The following AGFG1 variants were observed in gnomAD, a reference collection of about 807,000 sequenced individuals.
The protein encoded by AGFG1 is ArfGAP with FG repeats 1, also known as arf-GAP domain and FG repeat-containing protein 1.
Under a neutral mutation model 60.6 loss-of-function variants are expected in AGFG1, and 10 were observed. That is an observed-to-expected ratio of 0.16 (90% CI 0.10 to 0.28). The LOEUF (loss-of-function observed/expected upper bound fraction) is 0.28, where lower values mean the gene tolerates loss of function less well. Ranked by LOEUF, AGFG1 falls within the 10% of genes least tolerant of loss-of-function variation. The probability of loss-of-function intolerance (pLI) is 1.00; values close to 1 mark genes in which losing one functional copy is unlikely to be tolerated. For missense variants in AGFG1, 537 were observed against 676.5 expected (o/e 0.79, Z 2.29); for synonymous variants, 247 against 242.9 (o/e 1.02, Z -0.16).
chr2:227,493,265 A>C (rs947146331), intron 2 of AGFG1, among the ~76,000 whole-genome samples: 53 of 152,186 alleles, frequency 3.5e-4, no homozygotes, highest in African/African-American at 1.2e-3. Flanking sequence ...GATCTCTAGA[A>C]ATTAATCATC....
intron 1 of AGFG1, among the ~76,000 whole-genome samples, chr2:227,484,677 GTTTTTTTTTTGTTTTTTTTTTT>G (rs1360042109): frequency 1.5e-4 from 17 of 115,894 alleles, no homozygotes; most frequent in African/African-American, 5.0e-4. Flanking sequence ...AGATCTCTTA[GTTTTTTTTTTGTTTTTTTTTTT>G]TTTTTTTTTT....
In AGFG1 at chr2:227,531,125, T is replaced by C. The variant is rs759370419; in HGVS notation, c.729T>C (p.Phe243=). 13 of 1,613,360 alleles carry C rather than the reference T, an allele frequency of 8.1e-6. No individual in the cohort carries two copies. Among genetic ancestry groups the C allele is most frequent in the Non-Finnish European group, 1.0e-5 (12 of 1,179,516 alleles). ...QNSANADFAN[F]DAFGQSSGSS... ...CTGCAAATGCAGATTTTGCAAACTT[T>C]GATGCATTTGGACAGTCTAGTGGTT... The change falls in exon 6 of 13, where the codon TTT becomes TTC. Residue 243 remains phenylalanine (F), a synonymous_variant. Transcript: ENST00000310078.
intron 10 of AGFG1, among the ~76,000 whole-genome samples, chr2:227,546,035 G>GT (rs1174688483): frequency 2.3e-4 from 35 of 152,206 alleles, no homozygotes; most frequent in Admixed American, 2.3e-3. Context: ...AGACAGAGAC[G>GT]TTTAAGTCTC....
In AGFG1 at chr2:227,487,390, T is replaced by C. The variant is rs1002898666; in HGVS notation, c.168-4157T>C. ...ATTTTGGAGTATTTGGTTTGTCTGTTTTTTTTTTGCTGATTAAAAAAATTA... is the reference window on the plus strand; with the variant it reads ...ATTTTGGAGTATTTGGTTTGTCTGTCTTTTTTTTGCTGATTAAAAAAATTA... On this transcript the variant is annotated intron_variant, in intron 1 of 12. Coordinates refer to ENST00000310078, the MANE Select transcript of AGFG1 (RefSeq NM_004504.5). Among the ~76,000 whole-genome samples, 3 of 151,082 alleles carry C rather than the reference T, an allele frequency of 2.0e-5. No homozygotes were observed. In the South Asian group the frequency reaches 6.2e-4, roughly 31 times the overall value.
intron 8 of AGFG1, among the ~76,000 whole-genome samples, chr2:227,535,524 T>G (rs2106223272): frequency 6.6e-6 from 1 of 152,348 alleles, no homozygotes; most frequent in East Asian, 1.9e-4. Flanking sequence ...TGTTCATATA[T>G]ATCTGTTAGA....
At chr2:227,500,159 A>G (rs1320133671) in intron 2 of AGFG1, among the ~76,000 whole-genome samples, 2 of 152,114 alleles carry the variant, frequency 1.3e-5, no homozygotes, top group African/African-American at 4.8e-5. Context: ...ATTGGTAATG[A>G]TGTTTAAGGT....
Position 227,485,745 on chromosome 2 carries a change from T to C in AGFG1, c.168-5802T>C, listed in dbSNP as rs140908668. The stretch of plus-strand genomic sequence containing the variant: ...TTTTAATTTCCACATTTATAATTTT[T>C]CATTTCTGAAAATTCTGATTTTTAA... On this transcript the variant is annotated intron_variant, in intron 1 of 12. Coordinates refer to ENST00000310078, the MANE Select transcript of AGFG1 (RefSeq NM_004504.5). Among the ~76,000 whole-genome samples, 376 of 152,326 alleles carry C rather than the reference T, an allele frequency of 2.5e-3. 2 individuals carry two copies. Among genetic ancestry groups the C allele is most frequent in the African/African-American group, 8.4e-3 (351 of 41,570 alleles).
intron 6 of AGFG1, among the ~76,000 whole-genome samples, chr2:227,531,453 A>G (rs1692155405): frequency 1.3e-5 from 2 of 150,402 alleles, no homozygotes; most frequent in South Asian, 4.2e-4. Context: ...CTGCGCATGA[A>G]TCTTCCTTAT....
At chr2:227,474,807 T>C (rs1690231566) in intron 1 of AGFG1, among the ~76,000 whole-genome samples, 1 of 152,252 alleles carries the variant, frequency 6.6e-6, no homozygotes, top group South Asian at 2.1e-4. Context: ...TAGGTACACA[T>C]GGCTTTGAAT....
At chr2:227,545,648 T>C (rs550691767) in intron 10 of AGFG1, among the ~76,000 whole-genome samples, 6 of 152,306 alleles carry the variant, frequency 3.9e-5, no homozygotes, top group African/African-American at 1.4e-4. Context: ...GGGGTTTTGG[T>C]GTGGGTGTCC....
intron 1 of AGFG1, among the ~76,000 whole-genome samples, chr2:227,481,055 AT>A (rs1181496627): frequency 2.1e-5 from 3 of 141,154 alleles, no homozygotes; most frequent in Non-Finnish European, 1.5e-5. Context: ...TCAGAACCTC[AT>A]ATTGAAGTAT....
At chr2:227,476,232 T>A (rs1458922602) in intron 1 of AGFG1, among the ~76,000 whole-genome samples, 1 of 152,236 alleles carries the variant, frequency 6.6e-6, no homozygotes, top group Non-Finnish European at 1.5e-5. Context: ...TTTGTCACTA[T>A]CTTTCACTGT....
chr2:227,486,821 G>A (rs1011634937), intron 1 of AGFG1, among the ~76,000 whole-genome samples: 1 of 152,164 alleles, frequency 6.6e-6, no homozygotes, highest in Non-Finnish European at 1.5e-5. Flanking sequence ...GTTTTACCCT[G>A]TGGGGGATAT....
At chr2:227,539,692 C>A (rs1013728920) in intron 10 of AGFG1, among the ~76,000 whole-genome samples, 3 of 134,708 alleles carry the variant, frequency 2.2e-5, no homozygotes, top group Non-Finnish European at 4.6e-5. Flanking sequence ...TTACAGTGAA[C>A]TGTGATTGCG....
chr2:227,484,677 G>GTTTTTTTTTTTTTTTTTTTTTTTTTT (rs34405103), intron 1 of AGFG1, among the ~76,000 whole-genome samples: 1 of 115,908 alleles, frequency 8.6e-6, no homozygotes, highest in African/African-American at 3.3e-5. Flanking sequence ...AGATCTCTTA[G>GTTTTTTTTTTTTTTTTTTTTTTTTTT]TTTTTTTTTT....
intron 10 of AGFG1, among the ~76,000 whole-genome samples, chr2:227,545,465 T>G: frequency 6.6e-6 from 1 of 152,300 alleles, no homozygotes; most frequent in Middle Eastern, 3.4e-3. Flanking sequence ...CTTCTGTCAG[T>G]TCGTCTAAAG....
At chr2:227,554,351 AAAATT>A (rs1176836340) in intron 12 of AGFG1, 80 bp from the exon 13 acceptor site, 3 of 1,172,814 alleles carry the variant, frequency 2.6e-6, no homozygotes, top group Non-Finnish European at 3.6e-6. Context: ...TCTAATTAAA[AAAATT>A]AAATTCAGTT....
intron 4 of AGFG1, 55 bp downstream of exon 4, chr2:227,523,980 C>A: frequency 1.3e-6 from 2 of 1,508,666 alleles, no homozygotes; most frequent in South Asian, 2.5e-5. Context: ...GCTTGAGTAT[C>A]AAGAATTTGA....
chr2:227,511,644 G>GA (rs1691500569), intron 2 of AGFG1, among the ~76,000 whole-genome samples: 2 of 152,034 alleles, frequency 1.3e-5, no homozygotes, highest in African/African-American at 2.4e-5. Flanking sequence ...TGGAACAAAA[G>GA]AAAAAAGAGA....
Sources: gnomAD v4.1 joint callset for allele counts (sites outside exome capture counted in the v4.1 genomes callset) on GRCh38, gnomAD v4.1.1 for gene constraint, MANE v1.5 for transcripts, NCBI Gene and HGNC (gene_info 2026-07-23, HGNC 2026-07-21) for gene names.